SKAP1: variants seen among roughly 807,000 people sequenced by gnomAD.
SKAP1 encodes src kinase-associated phosphoprotein 1.
Under a neutral mutation model 58.5 loss-of-function variants are expected in SKAP1, and 44 were observed. The ratio of observed to expected loss-of-function variants is 0.75; its 90% CI spans 0.59 to 0.97. The LOEUF (loss-of-function observed/expected upper bound fraction) is 0.97, where lower values mean the gene tolerates loss of function less well. SKAP1 is among the 50% of genes least tolerant of loss of function. The probability of loss-of-function intolerance (pLI) is 0.00; values close to 1 mark genes in which losing one functional copy is unlikely to be tolerated. For synonymous variants in SKAP1, 127 were observed against 149.7 expected, an observed-to-expected ratio of 0.85 and a Z score of 1.11; for missense variants, 390 against 435.2, an observed-to-expected ratio of 0.90 and a Z score of 0.92.
intron 4 of SKAP1, among the ~76,000 whole-genome samples, chr17:48,246,791 A>T (rs866171460): frequency 3.3e-5 from 5 of 152,328 alleles, no homozygotes; most frequent in South Asian, 2.1e-4. Flanking sequence ...TACTTACAGT[A>T]CTTATCACAC....
intron 1 of SKAP1, among the ~76,000 whole-genome samples, chr17:48,416,864 T>C (rs960027663): frequency 1.3e-4 from 20 of 152,162 alleles, no homozygotes; most frequent in African/African-American, 3.9e-4. Context: ...CTTAAATATA[T>C]CACTAAAATC....
upstream of SKAP1, among the ~76,000 whole-genome samples, chr17:48,432,029 A>G (rs184841065): frequency 1.3e-5 from 2 of 152,332 alleles, no homozygotes; most frequent in Admixed American, 6.5e-5. Flanking sequence ...TCAGTGTCAC[A>G]TGACCCACCT....
intron 4 of SKAP1, among the ~76,000 whole-genome samples, chr17:48,302,333 T>C (rs1396420306): frequency 6.6e-6 from 1 of 152,012 alleles, no homozygotes; most frequent in Non-Finnish European, 1.5e-5. Context: ...CTGCAGAGGG[T>C]AGAAGAACAC....
intron 4 of SKAP1, among the ~76,000 whole-genome samples, chr17:48,336,245 G>T (rs1714418004): frequency 6.6e-6 from 1 of 152,072 alleles, no homozygotes; most frequent in Non-Finnish European, 1.5e-5. Flanking sequence ...CTCTCCAGAT[G>T]ATCACCAATA....
upstream of SKAP1, among the ~76,000 whole-genome samples, chr17:48,434,767 C>G (rs554796503): frequency 1.3e-5 from 2 of 152,270 alleles, no homozygotes; most frequent in South Asian, 4.2e-4. Context: ...TCTTGTAGAA[C>G]TGAAAAATAC....
At position 48,184,714 on chromosome 17, in the gene SKAP1, G is replaced by A; in HGVS notation, c.567+9C>T. 1 of 1,613,926 alleles carries A rather than the reference G, an allele frequency of 6.2e-7. No homozygotes were observed. The highest frequency in any genetic ancestry group is 8.5e-7 in the Non-Finnish European group (1 of 1,179,880). The stretch of plus-strand genomic sequence containing the variant: ...CAAGAAGGATCACCATCTCCTTGAT[G>A]CGTCCTACCTCATAGCTGCGCCTAT... On this transcript the variant is annotated intron_variant, in intron 7 of 12. Transcript: ENST00000336915.
chr17:48,320,990 GATA>G (rs1252742393), intron 4 of SKAP1, among the ~76,000 whole-genome samples: 1 of 152,044 alleles, frequency 6.6e-6, no homozygotes, highest in Non-Finnish European at 1.5e-5. Flanking sequence ...CAGGCATCCA[GATA>G]ATGAGCACCC....
chr17:48,232,445 C>T (rs1441183704), intron 4 of SKAP1, among the ~76,000 whole-genome samples: 1 of 152,140 alleles, frequency 6.6e-6, no homozygotes, highest in African/African-American at 2.4e-5. Flanking sequence ...ATAATGATCA[C>T]AAGTTTATTT....
intron 4 of SKAP1, among the ~76,000 whole-genome samples, chr17:48,339,177 A>G (rs964804506): frequency 6.6e-6 from 1 of 152,248 alleles, no homozygotes; most frequent in African/African-American, 2.4e-5. Context: ...ACACACATAC[A>G]TAACTTCCAT....
At chr17:48,155,629 G>C (rs967337638) in intron 11 of SKAP1, among the ~76,000 whole-genome samples, 4 of 151,648 alleles carry the variant, frequency 2.6e-5, no homozygotes, top group Non-Finnish European at 5.9e-5. Flanking sequence ...GGCCGAGGCA[G>C]ATGGATCACC....
chr17:48,396,871 T>C, intron 1 of SKAP1, 86 bp from the exon 2 acceptor site: 1 of 930,962 alleles, frequency 1.1e-6, no homozygotes, highest in South Asian at 1.3e-5. Flanking sequence ...GGCACATGTA[T>C]ACATATGTAA....
At chr17:48,278,300 T>A (rs2065724492) in intron 4 of SKAP1, among the ~76,000 whole-genome samples, 1 of 152,242 alleles carries the variant, frequency 6.6e-6, no homozygotes, top group Admixed American at 6.5e-5. Context: ...TTTTTTCTTT[T>A]TCTTTCTTTA....
At chr17:48,255,904 G>C (rs1598476918) in intron 4 of SKAP1, among the ~76,000 whole-genome samples, 1 of 152,162 alleles carries the variant, frequency 6.6e-6, no homozygotes, top group East Asian at 1.9e-4. Context: ...TTGTATAAAT[G>C]AAATAAAACT....
chr17:48,308,576 T>C (rs1372367069), intron 4 of SKAP1: 1 of 152,214 alleles, frequency 6.6e-6, no homozygotes, highest in Non-Finnish European at 1.5e-5. Context: ...GCATATTTCA[T>C]AAATGTGATT....
intron 4 of SKAP1, among the ~76,000 whole-genome samples, chr17:48,236,702 C>A (rs1262398052): frequency 6.6e-6 from 1 of 152,146 alleles, no homozygotes; most frequent in Non-Finnish European, 1.5e-5. Context: ...AGGAATTCAC[C>A]AGACTTACAA....
At chr17:48,358,679 C>T (rs2066904231) in intron 3 of SKAP1, among the ~76,000 whole-genome samples, 1 of 152,060 alleles carries the variant, frequency 6.6e-6, no homozygotes, top group Non-Finnish European at 1.5e-5. Context: ...ATTTTATTAT[C>T]AAGGTTTTAT....
intron 8 of SKAP1, 128 bp downstream of exon 8, chr17:48,182,266 T>C: frequency 1.5e-6 from 1 of 667,518 alleles, no homozygotes; most frequent in South Asian, 1.8e-5. Flanking sequence ...ATATGGGGAA[T>C]GTGGTAGGAA....
intron 11 of SKAP1, among the ~76,000 whole-genome samples, chr17:48,154,404 A>T (rs1470032176): frequency 1.3e-5 from 2 of 152,100 alleles, no homozygotes; most frequent in Non-Finnish European, 2.9e-5. Flanking sequence ...GATGACCCAG[A>T]CCCTGGTGTG....
chr17:48,405,392 C>CCTTCCTTTCTTT (rs1555623932), intron 1 of SKAP1, among the ~76,000 whole-genome samples: 1 of 107,310 alleles, frequency 9.3e-6, no homozygotes, highest in Admixed American at 1.0e-4. Context: ...TTTTCTCTTT[C>CCTTCCTTTCTTT]CTTTCTTTCT....
Sources: allele counts gnomAD v4.1 joint callset (sites outside exome capture counted in the v4.1 genomes callset), GRCh38; gene constraint gnomAD v4.1.1; transcripts MANE v1.5; gene names NCBI Gene and HGNC (gene_info 2026-07-23, HGNC 2026-07-21).